Variants in RNF220 observed in about 807,000 individuals in gnomAD.
RNF220 encodes the protein E3 ubiquitin-protein ligase RNF220.
RNF220 carries 7 observed loss-of-function variants against 67.1 expected under a neutral mutation model. The ratio of observed to expected loss-of-function variants is 0.10; its 90% CI spans 0.06 to 0.20. The LOEUF (loss-of-function observed/expected upper bound fraction) is 0.20, where lower values mean the gene tolerates loss of function less well. Among genes scored for constraint, RNF220 ranks in the 10% least tolerant of loss-of-function variants. The probability of loss-of-function intolerance (pLI) is 1.00; values close to 1 mark genes in which losing one functional copy is unlikely to be tolerated. For missense variants in RNF220, 565 were observed against 740.3 expected, an observed-to-expected ratio of 0.76 and a Z score of 2.75; for synonymous variants, 270 against 283.2, an observed-to-expected ratio of 0.95 and a Z score of 0.47.
intron 2 of RNF220, among the ~76,000 whole-genome samples, chr1:44,602,153 G>GA (rs1036270381): frequency 3.9e-5 from 6 of 152,020 alleles, no homozygotes; most frequent in Non-Finnish European, 4.4e-5. Flanking sequence ...TCAAGAACAG[G>GA]AAAAAAAATA....
chr1:44,581,484 AG>A (rs1425181829), intron 2 of RNF220, among the ~76,000 whole-genome samples: 1 of 152,174 alleles, frequency 6.6e-6, no homozygotes, highest in African/African-American at 2.4e-5. Flanking sequence ...CCTGGGGAGT[AG>A]GGAAGGGTGG....
At chr1:44,579,633 T>A (rs1049267844) in intron 2 of RNF220, among the ~76,000 whole-genome samples, 3 of 152,150 alleles carry the variant, frequency 2.0e-5, no homozygotes, top group Non-Finnish European at 2.9e-5. Context: ...AACCAGCTAT[T>A]TGTGGATATT....
At chr1:44,469,083 G>T (rs1015613055) in intron 2 of RNF220, among the ~76,000 whole-genome samples, 1 of 152,002 alleles carries the variant, frequency 6.6e-6, no homozygotes, top group Non-Finnish European at 1.5e-5. Flanking sequence ...AAGGATATGA[G>T]AACTCATTTT....
At chr1:44,406,278 G>A (rs919503816) in intron 1 of RNF220, among the ~76,000 whole-genome samples, 2 of 152,214 alleles carry the variant, frequency 1.3e-5, no homozygotes, top group Admixed American at 6.5e-5. Context: ...GGGCAGGAAG[G>A]AGGCAGGTGC....
chr1:44,559,041 G>A (rs1663346121), intron 2 of RNF220, among the ~76,000 whole-genome samples: 1 of 152,208 alleles, frequency 6.6e-6, no homozygotes, highest in African/African-American at 2.4e-5. Flanking sequence ...GACAATGATA[G>A]TTTTGTTCAG....
At chr1:44,473,835 C>T (rs567523936) in intron 2 of RNF220, among the ~76,000 whole-genome samples, 5 of 152,224 alleles carry the variant, frequency 3.3e-5, no homozygotes, top group South Asian at 2.1e-4. Context: ...CTGATGCCCA[C>T]GACATACTAT....
intron 2 of RNF220, among the ~76,000 whole-genome samples, chr1:44,524,406 G>A (rs141833692): frequency 1.3e-3 from 191 of 152,118 alleles, no homozygotes; most frequent in African/African-American, 4.4e-3. Context: ...GTGAAAGGCC[G>A]GTCCCTAGGC....
At chr1:44,604,710 A>G (rs1345165411) in intron 2 of RNF220, among the ~76,000 whole-genome samples, 1 of 152,268 alleles carries the variant, frequency 6.6e-6, no homozygotes, top group African/African-American at 2.4e-5. Flanking sequence ...CTGGCCACCC[A>G]GGAGCCATGT....
At chr1:44,474,685 G>A (rs1266662843) in intron 2 of RNF220, among the ~76,000 whole-genome samples, 1 of 151,624 alleles carries the variant, frequency 6.6e-6, no homozygotes, top group Non-Finnish European at 1.5e-5. Flanking sequence ...CTCCAGCCTG[G>A]GTGACAAGGC....
rs1663959325 is a variant in RNF220, at chr1:44,565,847, C to A, written c.626-48318C>A. On this transcript the variant is annotated intron_variant, in intron 2 of 14. Coordinates refer to ENST00000361799, the MANE Select transcript of RNF220 (RefSeq NM_018150.4). This position sits in a 1 kb window ranked among gnomAD's most constrained non-coding sequence, Gnocchi z 4.2. ...CCCAGTCCTCCTGCTGCAGTCTTACCTGTCCTCTGAAGCCAGTTTGCTAAG... is the reference window on the plus strand; with the variant it reads ...CCCAGTCCTCCTGCTGCAGTCTTACATGTCCTCTGAAGCCAGTTTGCTAAG... Among the ~76,000 whole-genome samples the A allele has an allele frequency of 6.6e-6, 1 of 152,156 alleles. No individual in the cohort carries two copies. The highest frequency in any genetic ancestry group is 1.5e-5 in the Non-Finnish European group (1 of 68,016).
In RNF220 at chr1:44,644,683, C is replaced by T; in HGVS notation, c.1127-15C>T. The T allele has an allele frequency of 6.2e-7, 1 of 1,611,912 alleles. No homozygotes were observed. The highest frequency in any genetic ancestry group is 8.5e-7 in the Non-Finnish European group (1 of 1,178,274). On this transcript the variant is annotated splice_polypyrimidine_tract_variant and intron_variant, in intron 8 of 14. Transcript: ENST00000361799. ...GTCTTGTCCCCAGGCCCTCCTCACA[C>T]CCTGCTTCCCACAGGCTCTGGCTTC...
chr1:44,419,127 T>A (rs1648930623), intron 2 of RNF220, among the ~76,000 whole-genome samples: 1 of 152,236 alleles, frequency 6.6e-6, no homozygotes, highest in Non-Finnish European at 1.5e-5. Flanking sequence ...TAAAGAGAGA[T>A]GAACTGCAGA....
At chr1:44,648,255 G>C (rs166612) in intron 12 of RNF220, 11,160 of 152,296 alleles carry the variant, frequency 0.073, 539 homozygotes, top group African/African-American at 0.13. Flanking sequence ...TAATCTTTCT[G>C]TGCTTTAGTT....
chr1:44,517,924 T>C (rs1414214413), intron 2 of RNF220, among the ~76,000 whole-genome samples: 1 of 151,888 alleles, frequency 6.6e-6, no homozygotes, highest in Non-Finnish European at 1.5e-5. Flanking sequence ...CTGGCCAACA[T>C]GGCAAAACCC....
At chr1:44,523,310 G>A (rs1660086812) in intron 2 of RNF220, among the ~76,000 whole-genome samples, 1 of 152,170 alleles carries the variant, frequency 6.6e-6, no homozygotes, top group African/African-American at 2.4e-5. Flanking sequence ...CCGGGGAAGG[G>A]TCTGGGCAGG....
At chr1:44,406,208 G>A (rs951440597) in intron 1 of RNF220, among the ~76,000 whole-genome samples, 1 of 151,996 alleles carries the variant, frequency 6.6e-6, no homozygotes, top group Non-Finnish European at 1.5e-5. Flanking sequence ...TTTTCCTAGC[G>A]GGGGCGGGTG....
chr1:44,573,098 A>T (rs1664563519), intron 2 of RNF220: 2 of 177,108 alleles, frequency 1.1e-5, no homozygotes, highest in African/African-American at 4.8e-5. Context: ...TGATAATGAT[A>T]TAATATAAAT....
chr1:44,523,136 G>C (rs1660071960), intron 2 of RNF220, among the ~76,000 whole-genome samples: 1 of 152,210 alleles, frequency 6.6e-6, no homozygotes, highest in African/African-American at 2.4e-5. Flanking sequence ...TGGTGAGTGT[G>C]GGAATGTTTT....
chr1:44,618,324 CCA>C (rs148990037), intron 3 of RNF220, among the ~76,000 whole-genome samples: 2 of 152,140 alleles, frequency 1.3e-5, no homozygotes, highest in African/African-American at 2.4e-5. Context: ...ACAGATGTGC[CCA>C]CACACACACC....
Sources: allele counts gnomAD v4.1 joint callset (sites outside exome capture counted in the v4.1 genomes callset), GRCh38; gene constraint gnomAD v4.1.1; non-coding constraint Gnocchi (gnomAD v3.1); transcripts MANE v1.5; gene names NCBI Gene and HGNC (gene_info 2026-07-23, HGNC 2026-07-21).